SKP2: variants seen among roughly 807,000 people sequenced by gnomAD.
The protein encoded by SKP2 is S-phase kinase associated protein 2.
In SKP2, 16 loss-of-function variants were observed where a neutral mutation model predicts 51.8. That is an observed-to-expected ratio of 0.31 (90% confidence interval 0.21 to 0.47). The LOEUF is 0.47. Ranked by LOEUF, SKP2 falls within the 20% of genes least tolerant of loss-of-function variation. The probability of loss-of-function intolerance (pLI) is 1.00; values close to 1 mark genes in which losing one functional copy is unlikely to be tolerated. For missense variants in SKP2, 377 were observed against 505.3 expected (o/e 0.75, Z 2.43); for synonymous variants, 176 against 198.6 (o/e 0.89, Z 0.96).
At position 36,183,290 on chromosome 5, in the gene SKP2, G is replaced by A. The variant is rs994686598; in HGVS notation, c.*1259G>A. On this transcript the variant is annotated 3_prime_UTR_variant, in exon 10 of 10. Transcript: ENST00000274255. ...TATTTTTTTTTTTTTTTTTTGAGACGGAGTCTCGCTCTGTCACCAAGGCCG... is the reference window on the plus strand; with the variant it reads ...TATTTTTTTTTTTTTTTTTTGAGACAGAGTCTCGCTCTGTCACCAAGGCCG... The A allele has an allele frequency of 3.8e-5, 25 of 665,884 alleles. 1 individual carries two copies. Among genetic ancestry groups the A allele is most frequent in the South Asian group, 1.4e-4 (2 of 14,302 alleles). 41.2% of individuals were successfully genotyped at this position (665,884 alleles called of 1,614,324 possible). A position where few individuals can be genotyped will look rare whatever the true frequency, so the allele number is the denominator to read the frequency against.
intron 2 of SKP2, among the ~76,000 whole-genome samples, chr5:36,154,090 T>G (rs899406233): frequency 8.5e-5 from 13 of 152,146 alleles, no homozygotes; most frequent in Admixed American, 5.9e-4. Flanking sequence ...ATAACTATTT[T>G]TATATAGTAT....
intron 4 of SKP2, among the ~76,000 whole-genome samples, 158 bp downstream of exon 4, chr5:36,166,820 G>A (rs1714548439): frequency 6.8e-6 from 1 of 147,002 alleles, no homozygotes; most frequent in South Asian, 2.1e-4. Context: ...TGGGGCCTTT[G>A]TGCTAAAACC....
At chr5:36,160,492 AT>A (rs1249386382) in intron 2 of SKP2, among the ~76,000 whole-genome samples, 9 of 152,176 alleles carry the variant, frequency 5.9e-5, no homozygotes, top group Non-Finnish European at 1.2e-4. Context: ...TCAGAGTAGA[AT>A]AAGGGTCAGG....
At position 36,182,374 on chromosome 5, in the gene SKP2, C is replaced by T; in HGVS notation, c.*343C>T. The T allele has an allele frequency of 9.6e-7, 1 of 1,043,056 alleles. No individual in the cohort carries two copies. Among genetic ancestry groups the T allele is most frequent in the Non-Finnish European group, 1.2e-6 (1 of 865,606 alleles). 64.6% of individuals were successfully genotyped at this position (1,043,056 alleles called of 1,614,324 possible). Reference sequence around the variant, plus strand: ...TATTCAGAATCAAGCTTAAAAATTACCACCAGCAAACAATCTTCATAGCCC... The same window carrying T: ...TATTCAGAATCAAGCTTAAAAATTATCACCAGCAAACAATCTTCATAGCCC... On this transcript the variant is annotated 3_prime_UTR_variant, in exon 10 of 10. Coordinates refer to ENST00000274255, the MANE Select transcript of SKP2 (RefSeq NM_005983.4).
intron 6 of SKP2, among the ~76,000 whole-genome samples, chr5:36,189,572 C>A (rs1327447233): frequency 6.6e-6 from 1 of 152,198 alleles, no homozygotes; most frequent in Non-Finnish European, 1.5e-5. Flanking sequence ...ACTGACCGTT[C>A]CTCTGGAAGT....
chr5:36,181,777 A>G (rs761984923), intron 9 of SKP2, 41 bp from the exon 10 acceptor site: 16 of 1,609,528 alleles, frequency 9.9e-6, no homozygotes, highest in Non-Finnish European at 9.3e-6. Context: ...AACAGTTTCC[A>G]TAGATACTGC....
At chr5:36,175,496 G>A (rs1745603341) in intron 7 of SKP2, among the ~76,000 whole-genome samples, 1 of 152,058 alleles carries the variant, frequency 6.6e-6, no homozygotes, top group East Asian at 1.9e-4. Flanking sequence ...AACATTTATT[G>A]ATTCATTTTC....
chr5:36,153,039 C>G lies in SKP2; in HGVS notation c.277C>G (p.Pro93Ala). 6.2e-7 allele frequency: 1 copy of G among 1,613,612 alleles called. No homozygotes were observed. The highest frequency in any genetic ancestry group is 1.1e-5 in the South Asian group (1 of 91,048). Reference sequence around the variant, plus strand: ...GCCTAAGCTAAATCGAGAGAACTTTCCAGGTAAGGACATGAGGGTAAAAAT... The same window carrying G: ...GCCTAAGCTAAATCGAGAGAACTTTGCAGGTAAGGACATGAGGGTAAAAAT... ...RRPKLNRENF[P>A]GVSWDSLPDE... Residue 93 changes from proline (P) to alanine (A), a missense_variant, in exon 2 of 10, where the codon CCA becomes GCA. This residue lies in a region of SKP2 where 115 missense variants were observed against 115.5 expected (regional missense o/e 1.00). Transcript: ENST00000274255.
intron 4 of SKP2, among the ~76,000 whole-genome samples, chr5:36,167,355 C>T (rs1045559342): frequency 2.3e-4 from 35 of 152,144 alleles, no homozygotes; most frequent in Non-Finnish European, 5.9e-5. Context: ...TGTGGCTGTT[C>T]CTTCTCAGTC....
intron 6 of SKP2, 102 bp from the exon 7 acceptor site, chr5:36,171,501 A>G (rs1464352334): frequency 1.4e-5 from 15 of 1,067,092 alleles, no homozygotes; most frequent in Non-Finnish European, 2.0e-5. Flanking sequence ...GCATGAAATG[A>G]TAAGGAATCC....
Position 36,163,698 on chromosome 5 carries a change from C to T in SKP2, c.334C>T (p.Leu112=), listed in dbSNP as rs779990555. Residue 112 remains leucine, a synonymous_variant, in exon 3 of 10, where the codon CTG becomes TTG. Coordinates refer to ENST00000274255, the MANE Select transcript of SKP2 (RefSeq NM_005983.4). ...DELLLGIFSC[L]CLPELLKVSG... ...GCTGCTCTTGGGAATCTTTTCCTGT[C>T]TGTGCCTCCCTGAGCTGCTAAAGGT... 79 of 1,613,914 alleles carry T rather than the reference C, an allele frequency of 4.9e-5. No homozygotes were observed. The highest frequency in any genetic ancestry group is 4.8e-5 in the Non-Finnish European group (57 of 1,179,952).
At chr5:36,163,289 G>C (rs930646203) in intron 2 of SKP2, among the ~76,000 whole-genome samples, 3 of 152,158 alleles carry the variant, frequency 2.0e-5, no homozygotes, top group African/African-American at 7.2e-5. Context: ...GACTTGCTCT[G>C]TACCACTCTT....
chr5:36,152,497 G>C (rs1744769011), intron 1 of SKP2, among the ~76,000 whole-genome samples: 1 of 152,154 alleles, frequency 6.6e-6, no homozygotes, highest in South Asian at 2.1e-4. Context: ...TTTTCAATCA[G>C]TGTATGATTG....
At position 36,183,155 on chromosome 5, in the gene SKP2, A is replaced by G. The variant is rs1745864042; in HGVS notation, c.*1124A>G. The G allele has an allele frequency of 1.0e-6, 1 of 977,232 alleles. No individual in the cohort carries two copies. Among genetic ancestry groups the G allele is most frequent in the Non-Finnish European group, 1.2e-6 (1 of 822,402 alleles). 60.5% of individuals were successfully genotyped at this position (977,232 alleles called of 1,614,324 possible). ...CCATGCAGTTTCAGTAGTAAGCACTACTTATACCTACATAAGAGTTAAAAT... is the reference window on the plus strand; with the variant it reads ...CCATGCAGTTTCAGTAGTAAGCACTGCTTATACCTACATAAGAGTTAAAAT... On this transcript the variant is annotated 3_prime_UTR_variant, in exon 10 of 10. Transcript: ENST00000274255.
chr5:36,175,623 T>A (rs1460861898), intron 7 of SKP2, among the ~76,000 whole-genome samples: 2 of 151,954 alleles, frequency 1.3e-5, no homozygotes, highest in Non-Finnish European at 2.9e-5. Context: ...GCCTTTTTTT[T>A]TTCTTCTCTC....
intron 2 of SKP2, among the ~76,000 whole-genome samples, 171 bp downstream of exon 2, chr5:36,153,213 GATATATATATATATATATAT>G (rs3038049): frequency 6.8e-6 from 1 of 147,562 alleles, no homozygotes; most frequent in African/African-American, 2.5e-5. Context: ...AATCTTGGTA[GATATATATATATATATATAT>G]ATATATATAT....
intron 4 of SKP2, among the ~76,000 whole-genome samples, chr5:36,167,626 GT>G (rs1420624054): frequency 6.7e-6 from 1 of 150,090 alleles, no homozygotes; most frequent in Non-Finnish European, 1.5e-5. Flanking sequence ...TTTTTTTATT[GT>G]TTTTGTTTTT....
intron 2 of SKP2, among the ~76,000 whole-genome samples, chr5:36,156,930 T>C (rs1360590574): frequency 6.6e-6 from 1 of 152,190 alleles, no homozygotes; most frequent in African/African-American, 2.4e-5. Flanking sequence ...CCAACTTTTT[T>C]TTTTTAACCA....
At chr5:36,154,574 G>A (rs771121871) in intron 2 of SKP2, among the ~76,000 whole-genome samples, 7 of 152,258 alleles carry the variant, frequency 4.6e-5, no homozygotes, top group Middle Eastern at 3.4e-3. Context: ...TTGCTCTGTT[G>A]CCCAGGCTGG....
Sources: allele counts gnomAD v4.1 joint callset (sites outside exome capture counted in the v4.1 genomes callset), GRCh38; gene constraint gnomAD v4.1.1; regional missense constraint gnomAD v4.1.1; transcripts MANE v1.5; gene names NCBI Gene and HGNC (gene_info 2026-07-23, HGNC 2026-07-21).